Variants in FGGY observed in about 807,000 individuals in gnomAD.
FGGY encodes the protein FGGY carbohydrate kinase domain containing.
In FGGY, 72 loss-of-function variants were observed where a neutral mutation model predicts 71.3. The ratio of observed to expected loss-of-function variants is 1.01; its 90% CI spans 0.84 to 1.23. The LOEUF is 1.23. Ranked by LOEUF, FGGY falls within the 50% of genes most tolerant of loss-of-function variation. The pLI is 0.00. For missense variants in FGGY, 668 were observed against 682.3 expected (o/e 0.98, Z 0.23); for synonymous variants, 251 against 250.3 (o/e 1.00, Z -0.02).
At chr1:59,426,223 T>A (rs1191844759) in intron 5 of FGGY, among the ~76,000 whole-genome samples, 1 of 152,158 alleles carries the variant, frequency 6.6e-6, no homozygotes, top group East Asian at 1.9e-4. Context: ...TAATTTTGAC[T>A]TCTGTCCTTG....
chr1:59,657,409 G>A (rs2097229833), intron 11 of FGGY, among the ~76,000 whole-genome samples: 1 of 152,136 alleles, frequency 6.6e-6, no homozygotes, highest in African/African-American at 2.4e-5. Flanking sequence ...ACTTCCCTAG[G>A]AGACCTAATA....
At chr1:59,735,647 G>A (rs184586385) in intron 14 of FGGY, among the ~76,000 whole-genome samples, 2 of 152,328 alleles carry the variant, frequency 1.3e-5, no homozygotes, top group African/African-American at 4.8e-5. Context: ...AAGGAAGACA[G>A]AGCTTAGCAA....
At chr1:59,706,070 G>T (rs959183025) in intron 14 of FGGY, among the ~76,000 whole-genome samples, 12 of 152,162 alleles carry the variant, frequency 7.9e-5, no homozygotes, top group African/African-American at 2.4e-5. Context: ...CAGGGCTCTG[G>T]GGAACAGCTC....
rs548138119 is a variant in FGGY at position 59,681,526 on chromosome 1, T to G, written c.1512+7393T>G. ...ATACTGGTGTAAACCTAAACAAAAA[T>G]GTGTAAGATTTATCTCATAGAAAGA... is the stretch of plus-strand genomic sequence containing the variant. On this transcript the variant is annotated intron_variant, in intron 14 of 15. Coordinates refer to ENST00000303721, the MANE Select transcript of FGGY (RefSeq NM_018291.5). Among the ~76,000 whole-genome samples the G allele has an allele frequency of 6.4e-4, 98 of 152,318 alleles. 1 individual carries two copies. Among genetic ancestry groups the G allele is most frequent in the East Asian group, 3.9e-4 (2 of 5,192 alleles).
chr1:59,641,206 G>C (rs1456302091), intron 11 of FGGY: 1 of 1,209,108 alleles, frequency 8.3e-7, no homozygotes, highest in Non-Finnish European at 1.2e-6. Context: ...TTGTATCATT[G>C]TCTAACCAAT....
At chr1:59,634,085 G>A (rs1249639370) in intron 10 of FGGY, among the ~76,000 whole-genome samples, 1 of 152,082 alleles carries the variant, frequency 6.6e-6, no homozygotes, top group African/African-American at 2.4e-5. Flanking sequence ...AATGGAGCAG[G>A]CAGAATGCAT....
chr1:59,542,185 T>G (rs1019623882), intron 7 of FGGY, among the ~76,000 whole-genome samples: 4 of 152,166 alleles, frequency 2.6e-5, no homozygotes, highest in African/African-American at 4.8e-5. Context: ...TTGTTTGTCC[T>G]CTCTTGAAGC....
chr1:59,410,710 G>A (rs1041036913), intron 5 of FGGY, among the ~76,000 whole-genome samples: 3 of 152,200 alleles, frequency 2.0e-5, no homozygotes, highest in Admixed American at 1.3e-4. Flanking sequence ...ACAGGGCTCA[G>A]ACTCTGAGGC....
chr1:59,606,949 T>A (rs1349848311), intron 8 of FGGY, among the ~76,000 whole-genome samples: 1 of 152,228 alleles, frequency 6.6e-6, no homozygotes, highest in African/African-American at 2.4e-5. Flanking sequence ...CTCTGATTCA[T>A]CTTTGTGTCC....
chr1:59,668,583 G>A lies in FGGY; in HGVS notation c.1417+1180G>A, dbSNP rs774464892. On this transcript the variant is annotated intron_variant, in intron 13 of 15. Coordinates refer to ENST00000303721, the MANE Select transcript of FGGY (RefSeq NM_018291.5). ...TGCAGATGAGAGCCTTGTCTAACAC[G>A]ATGGACGTAACTGATCTTTGCACAT... Among the ~76,000 whole-genome samples the A allele has an allele frequency of 7.4e-4, 112 of 152,162 alleles. 2 individuals carry two copies. The highest frequency in any genetic ancestry group is 4.1e-4 in the Non-Finnish European group (28 of 68,040).
chr1:59,392,751 A>T (rs2060847606), intron 5 of FGGY, among the ~76,000 whole-genome samples: 1 of 150,286 alleles, frequency 6.7e-6, no homozygotes, highest in East Asian at 2.0e-4. Flanking sequence ...ATTTTTCTTC[A>T]TTTTTCCTTC....
intron 1 of FGGY, among the ~76,000 whole-genome samples, chr1:59,306,273 G>C (rs1407895004): frequency 2.0e-5 from 3 of 152,090 alleles, no homozygotes; most frequent in Non-Finnish European, 4.4e-5. Flanking sequence ...GGATTTTTGA[G>C]GTACTCAGAT....
intron 7 of FGGY, among the ~76,000 whole-genome samples, chr1:59,521,306 T>TG (rs910869598): frequency 2.0e-5 from 3 of 152,040 alleles, no homozygotes; most frequent in Non-Finnish European, 4.4e-5. Flanking sequence ...AGAGCATACG[T>TG]GGGGGGAAGG....
intron 1 of FGGY, among the ~76,000 whole-genome samples, chr1:59,300,665 A>G (rs116003781): frequency 0.014 from 2,178 of 151,278 alleles, 24 homozygotes; most frequent in Non-Finnish European, 0.02. Flanking sequence ...ATTTTTGTAT[A>G]GGACATGAAA....
At chr1:59,328,940 A>G (rs2047932973) in intron 2 of FGGY, among the ~76,000 whole-genome samples, 1 of 152,202 alleles carries the variant, frequency 6.6e-6, no homozygotes, top group Non-Finnish European at 1.5e-5. Context: ...ATGCAATAGT[A>G]ACATCAAATA....
chr1:59,486,392 A>T (rs1442883298), intron 6 of FGGY, among the ~76,000 whole-genome samples: 2 of 152,196 alleles, frequency 1.3e-5, no homozygotes, highest in Non-Finnish European at 2.9e-5. Flanking sequence ...GTTTTGAATC[A>T]AAAGAGGAGG....
chr1:59,676,697 G>C (rs1015926951), intron 14 of FGGY, among the ~76,000 whole-genome samples: 16 of 152,140 alleles, frequency 1.1e-4, no homozygotes, highest in Admixed American at 3.9e-4. Context: ...CTGATGACTT[G>C]AGTAGCAGCT....
chr1:59,651,916 G>C (rs1214260547), intron 11 of FGGY, among the ~76,000 whole-genome samples: 7 of 151,928 alleles, frequency 4.6e-5, no homozygotes, highest in Non-Finnish European at 7.4e-5. Context: ...ATCTTTAGTG[G>C]TTCCTTCAGG....
intron 4 of FGGY, among the ~76,000 whole-genome samples, chr1:59,371,947 G>C (rs1291046722): frequency 2.6e-5 from 4 of 152,086 alleles, no homozygotes; most frequent in African/African-American, 9.7e-5. Flanking sequence ...ATGCCCACAA[G>C]AGAAAGCAGG....
Sources: allele counts gnomAD v4.1 joint callset (sites outside exome capture counted in the v4.1 genomes callset), GRCh38; gene constraint gnomAD v4.1.1; transcripts MANE v1.5; gene names NCBI Gene and HGNC (gene_info 2026-07-23, HGNC 2026-07-21).